TMEM255A: variants seen among roughly 807,000 people sequenced by gnomAD.
TMEM255A encodes family with sequence similarity 70, member A.
A neutral mutation model predicts 23.5 loss-of-function variants in TMEM255A; 14 were observed. The observed-to-expected ratio is 0.60, with a 90% CI of 0.39 to 0.93. The LOEUF (loss-of-function observed/expected upper bound fraction) is 0.93. Ranked by LOEUF, TMEM255A falls within the 40% of genes least tolerant of loss-of-function variation. The pLI, the probability that TMEM255A is intolerant of heterozygous loss-of-function variation, is 0.00. For synonymous variants in TMEM255A, 104 were observed against 100.3 expected, an observed-to-expected ratio of 1.04 and a Z score of -0.22; for missense variants, 233 against 261.7, an observed-to-expected ratio of 0.89 and a Z score of 0.76.
At chrX:120,286,361 A>G (rs1302403520) in intron 5 of TMEM255A, among the ~76,000 whole-genome samples, 1 of 112,191 alleles carries the variant, frequency 8.9e-6, no homozygotes, top group Non-Finnish European at 1.9e-5. Context: ...ATTGACTTTC[A>G]ATGTGAGGTT....
intron 1 of TMEM255A, among the ~76,000 whole-genome samples, chrX:120,308,325 G>T (rs1264187323): frequency 1.8e-5 from 2 of 111,791 alleles, no homozygotes; most frequent in African/African-American, 3.3e-5. Flanking sequence ...CCTTGCACAC[G>T]TTCTTGATTA....
At chrX:120,264,725 T>C (rs1440009197) in intron 8 of TMEM255A, among the ~76,000 whole-genome samples, 3 of 109,683 alleles carry the variant, frequency 2.7e-5, no homozygotes, top group Admixed American at 2.0e-4. Context: ...GTAACTTAGG[T>C]CATTTTACAA....
chrX:120,296,961 A>G (rs1459398151), intron 2 of TMEM255A, among the ~76,000 whole-genome samples: 1 of 2,061 alleles, frequency 4.9e-4, no homozygotes, highest in African/African-American at 6.3e-3. Flanking sequence ...TATTATATAT[A>G]ATATATAATA....
chrX:120,253,978 CTGATGA>C, downstream of TMEM255A: 4 of 1,176,118 alleles, frequency 3.4e-6, no homozygotes, highest in Admixed American at 2.2e-5. Context: ...GTTACCGATT[CTGATGA>C]TGATGATGAT....
In TMEM255A at chrX:120,277,010, C is replaced by T. The variant is rs781903186; in HGVS notation, c.550G>A (p.Asp184Asn). 20 of 1,208,573 alleles carry T rather than the reference C, an allele frequency of 1.7e-5. No homozygotes were observed. The highest frequency in any genetic ancestry group is 2.2e-5 in the Admixed American group (1 of 45,741). The change falls in exon 7 of 9, where the codon GAT (aspartate) becomes AAT (asparagine). Residue 184 changes from aspartate to asparagine, a missense_variant. Asp to Asn is a conservative substitution (Grantham distance 23). Transcript: ENST00000371369. ...ATGATATCTTGGCAACTGCTGACATCGATGTATTCGTAGTACCCACCAGTG... is the reference window on the plus strand; with the variant it reads ...ATGATATCTTGGCAACTGCTGACATTGATGTATTCGTAGTACCCACCAGTG... ...EITGGYYEYIDVSSCQDIIHL... is the reference protein window; with the variant it reads ...EITGGYYEYINVSSCQDIIHL...
Position 120,285,873 on chromosome X carries a change from A to G in TMEM255A, c.424-658T>C, listed in dbSNP as rs782060989. The stretch of plus-strand genomic sequence containing the variant: ...AGCAAAAAGGTTTTAAAAACGGAAA[A>G]GAATTTCATTTACCATCTCTTGTTA... On this transcript the variant is annotated intron_variant, in intron 5 of 8. Transcript: ENST00000371369. 10 of 1,196,470 alleles carry G rather than the reference A, an allele frequency of 8.4e-6. No individual in the cohort carries two copies. The East Asian group carries it at 2.7e-4, about 33-fold the overall frequency.
chrX:120,296,979 TATTATATATATATTATATATAATATATA>T (rs1556024704), intron 2 of TMEM255A, among the ~76,000 whole-genome samples: 4 of 3,852 alleles, frequency 1.0e-3, no homozygotes, highest in African/African-American at 6.8e-3. Context: ...ATATTATATA[TATTATATATATATTATATATAATATATA>T]ATATTATATA....
rs781937418 is a variant in TMEM255A at position 120,311,197 on chromosome X, G to A, written c.58+55C>T. 2.7e-4 allele frequency: 286 copies of A among 1,047,372 alleles called. No individual in the cohort carries two copies. In the African/African-American group the frequency reaches 4.6e-3, roughly 17 times the overall value. 86.3% of individuals were successfully genotyped at this position (1,047,372 alleles called of 1,213,427 possible). Reference sequence around the variant, plus strand: ...CAGCTGGGGCGTTCACAGTCCAGAGGCCAGGGCACTCAACCCCTGCTGCCG... The same window carrying A: ...CAGCTGGGGCGTTCACAGTCCAGAGACCAGGGCACTCAACCCCTGCTGCCG... On this transcript the variant is annotated intron_variant, in intron 1 of 8. Coordinates refer to ENST00000371369, the MANE Select transcript of TMEM255A (RefSeq NM_001104544.3).
the TMEM255A span, chrX:120,253,484 T>C: frequency 6.6e-6 from 8 of 1,212,003 alleles, no homozygotes; most frequent in Non-Finnish European, 7.8e-6. Context: ...ACTCCTTGAA[T>C]GAGCAACGTG....
At chrX:120,291,365 C>T (rs781861506) in intron 3 of TMEM255A, 25 bp from the exon 4 acceptor site, 15 of 1,159,601 alleles carry the variant, frequency 1.3e-5, no homozygotes, top group Non-Finnish European at 1.6e-5. Flanking sequence ...AAAACAAAAG[C>T]GTCTGTTAGC....
In TMEM255A at chrX:120,304,111, A is replaced by AGAT. The variant is rs199773622; in HGVS notation, c.201+235_201+237dup. Among the ~76,000 whole-genome samples, 854 of 112,044 alleles carry AGAT rather than the reference A, an allele frequency of 7.6e-3. 10 individuals carry two copies. The highest frequency in any genetic ancestry group is 0.026 in the African/African-American group (787 of 30,791). ...CAGAAACCTGAGGTATTAAAGAGTG[A>AGAT]GATGACTTGCTCAGGATCACACTGT... On this transcript the variant is annotated intron_variant, in intron 2 of 8. Coordinates refer to ENST00000371369, the MANE Select transcript of TMEM255A (RefSeq NM_001104544.3).
intron 8 of TMEM255A, among the ~76,000 whole-genome samples, chrX:120,265,079 G>A (rs1016760120): frequency 9.0e-5 from 10 of 110,579 alleles, no homozygotes; most frequent in African/African-American, 2.6e-4. Context: ...GTTTCTCCGT[G>A]TTGGTCAGGC....
chrX:120,295,030 CCTGT>C (rs1312596826), intron 2 of TMEM255A, among the ~76,000 whole-genome samples: 3 of 111,561 alleles, frequency 2.7e-5, no homozygotes, highest in African/African-American at 9.8e-5. Flanking sequence ...AAACAATTTT[CCTGT>C]CTAAGTGGCT....
intron 1 of TMEM255A, among the ~76,000 whole-genome samples, chrX:120,304,859 G>A (rs1487313210): frequency 9.0e-6 from 1 of 111,524 alleles, no homozygotes; most frequent in Non-Finnish European, 1.9e-5. Flanking sequence ...AAGTGTGTGT[G>A]TGGGGGAGGG....
intron 6 of TMEM255A, among the ~76,000 whole-genome samples, chrX:120,280,249 C>T (rs1389865993): frequency 3.6e-5 from 4 of 109,972 alleles, no homozygotes; most frequent in African/African-American, 1.3e-4. Flanking sequence ...CCATTTCAGG[C>T]TCCCAAAGTC....
intron 1 of TMEM255A, among the ~76,000 whole-genome samples, chrX:120,307,600 A>G (rs1603404596): frequency 8.9e-6 from 1 of 112,532 alleles, no homozygotes; most frequent in East Asian, 2.8e-4. Context: ...TTAATCAAGA[A>G]GGATGTGGGA....
chrX:120,296,151 C>T (rs1228822472), intron 2 of TMEM255A, among the ~76,000 whole-genome samples: 3 of 112,056 alleles, frequency 2.7e-5, no homozygotes, highest in Non-Finnish European at 3.8e-5. Flanking sequence ...TCATCAGCTT[C>T]CAAAGGTATT....
intron 5 of TMEM255A, among the ~76,000 whole-genome samples, chrX:120,286,378 G>C (rs970288654): frequency 8.9e-6 from 1 of 112,133 alleles, no homozygotes; most frequent in Admixed American, 9.4e-5. Context: ...GGTTAATAGA[G>C]TACAAAATTG....
At chrX:120,294,762 C>T (rs1435672839) in intron 2 of TMEM255A, among the ~76,000 whole-genome samples, 1 of 111,746 alleles carries the variant, frequency 8.9e-6, no homozygotes, top group African/African-American at 3.3e-5. Flanking sequence ...GTATAGATCA[C>T]AAAATAAAGG....
Sources: allele counts gnomAD v4.1 joint callset (sites outside exome capture counted in the v4.1 genomes callset), GRCh38; gene constraint gnomAD v4.1.1; transcripts MANE v1.5; gene names NCBI Gene and HGNC (gene_info 2026-07-23, HGNC 2026-07-21).